Variants in PSMD14 observed in about 807,000 individuals in gnomAD.
PSMD14 encodes the protein ubiquitin C-terminal hydrolase PSMD14.
PSMD14 carries 7 observed loss-of-function variants against 41.2 expected under a neutral mutation model. The observed-to-expected ratio is 0.17, with a 90% CI of 0.10 to 0.32. The LOEUF is 0.32. Among genes scored for constraint, PSMD14 ranks in the 10% least tolerant of loss-of-function variants. The pLI is 1.00. For missense variants in PSMD14, 139 were observed against 375.6 expected (o/e 0.37, Z 5.21); for synonymous variants, 114 against 122.3 (o/e 0.93, Z 0.45).
chr2:161,323,721 C>T (rs1370652155), intron 3 of PSMD14, among the ~76,000 whole-genome samples: 1 of 152,016 alleles, frequency 6.6e-6, no homozygotes, highest in Non-Finnish European at 1.5e-5. Flanking sequence ...AATTTGTCCT[C>T]AGTCCTCCAC....
chr2:161,320,514 A>G (rs970516325), intron 3 of PSMD14, among the ~76,000 whole-genome samples: 1 of 152,152 alleles, frequency 6.6e-6, no homozygotes, highest in Admixed American at 6.5e-5. Context: ...GAATCATTTC[A>G]TCTCAATTAG....
At chr2:161,409,563 CA>C (rs1252492031) in intron 11 of PSMD14, 2 of 152,280 alleles carry the variant, frequency 1.3e-5, no homozygotes, top group East Asian at 3.9e-4. Flanking sequence ...TGCTTTCAGC[CA>C]TCCTACCATA....
At chr2:161,397,816 T>C (rs1683822686) in intron 10 of PSMD14, among the ~76,000 whole-genome samples, 1 of 152,164 alleles carries the variant, frequency 6.6e-6, no homozygotes, top group Admixed American at 6.5e-5. Flanking sequence ...TCCCCATTAG[T>C]GCTAGATTGT....
intron 10 of PSMD14, 82 bp from the exon 11 acceptor site, chr2:161,408,755 C>A: frequency 2.0e-6 from 2 of 995,676 alleles, no homozygotes; most frequent in African/African-American, 1.6e-5. Flanking sequence ...AAATTCTGGT[C>A]ATCATTATTT....
At chr2:161,391,746 C>A (rs1312284928) in intron 9 of PSMD14, among the ~76,000 whole-genome samples, 1 of 152,046 alleles carries the variant, frequency 6.6e-6, no homozygotes, top group East Asian at 1.9e-4. Flanking sequence ...CATGCACCAC[C>A]ACACCTGGCT....
chr2:161,338,315 GTTATA>G (rs1193206670), intron 3 of PSMD14, among the ~76,000 whole-genome samples: 3 of 150,058 alleles, frequency 2.0e-5, no homozygotes, highest in Non-Finnish European at 4.4e-5. Flanking sequence ...CTATAACGCA[GTTATA>G]TTGTAGGTAG....
At chr2:161,399,041 A>G (rs545618163) in intron 10 of PSMD14, among the ~76,000 whole-genome samples, 47 of 152,260 alleles carry the variant, frequency 3.1e-4, no homozygotes, top group Non-Finnish European at 6.3e-4. Context: ...GTTGAAAAAT[A>G]TAATAGGCAA....
chr2:161,361,702 A>G lies in PSMD14; in HGVS notation c.49-5776A>G, dbSNP rs367815100. On this transcript the variant is annotated intron_variant, in intron 3 of 11. Transcript: ENST00000409682. Reference sequence around the variant, plus strand: ...TACAAAGATGATTTAATAGTGGGAAATATTAATGTAATACACCACTGAAGA... The same window carrying G: ...TACAAAGATGATTTAATAGTGGGAAGTATTAATGTAATACACCACTGAAGA... 3.3e-5 allele frequency among the ~76,000 whole-genome samples: 5 copies of G among 152,360 alleles called. No homozygotes were observed. In the East Asian group the frequency reaches 5.8e-4, roughly 18 times the overall value.
At position 161,340,292 on chromosome 2, in the gene PSMD14, C is replaced by T. The variant is rs1574121658; in HGVS notation, c.48+21419C>T. ...TCTCACCCCCGACAACCAAGCCAGCCAGAGAGAGAAGTGGGGTTCCCAGGG... is the reference window on the plus strand; with the variant it reads ...TCTCACCCCCGACAACCAAGCCAGCTAGAGAGAGAAGTGGGGTTCCCAGGG... On this transcript the variant is annotated intron_variant, in intron 3 of 11. Coordinates refer to ENST00000409682, the MANE Select transcript of PSMD14 (RefSeq NM_005805.6). 2.0e-5 allele frequency among the ~76,000 whole-genome samples: 3 copies of T among 152,138 alleles called. No homozygotes were observed. The East Asian group carries it at 5.8e-4, about 29-fold the overall frequency.
At chr2:161,397,068 G>T (rs1488947324) in intron 10 of PSMD14, among the ~76,000 whole-genome samples, 1 of 152,118 alleles carries the variant, frequency 6.6e-6, no homozygotes, top group Non-Finnish European at 1.5e-5. Context: ...GACCTCAGGT[G>T]ATCCACCTGC....
intron 3 of PSMD14, among the ~76,000 whole-genome samples, chr2:161,336,338 T>C (rs1480215540): frequency 6.6e-6 from 1 of 152,232 alleles, no homozygotes; most frequent in Non-Finnish European, 1.5e-5. Context: ...CTGCTTGTAT[T>C]TGAATATTTT....
intron 5 of PSMD14, among the ~76,000 whole-genome samples, chr2:161,369,453 C>T (rs937794579): frequency 2.0e-5 from 3 of 151,942 alleles, no homozygotes; most frequent in Non-Finnish European, 2.9e-5. Context: ...TACCCCTGTT[C>T]TTGAGGATGT....
intron 7 of PSMD14, among the ~76,000 whole-genome samples, chr2:161,372,573 CCATT>C (rs1197642108): frequency 6.6e-6 from 1 of 151,858 alleles, no homozygotes; most frequent in African/African-American, 2.4e-5. Flanking sequence ...ATATACTAGA[CCATT>C]CAGAATGGAT....
intron 8 of PSMD14, among the ~76,000 whole-genome samples, chr2:161,387,323 A>AT (rs1373878482): frequency 1.3e-5 from 2 of 152,008 alleles, no homozygotes; most frequent in South Asian, 2.1e-4. Flanking sequence ...CTGTAATGGA[A>AT]TTTTATTTTA....
chr2:161,309,544 A>G (rs1179843169), intron 1 of PSMD14, among the ~76,000 whole-genome samples: 3 of 152,214 alleles, frequency 2.0e-5, no homozygotes, highest in Admixed American at 1.3e-4. Flanking sequence ...AATAACAAAA[A>G]CATGAACACA....
chr2:161,321,595 T>C (rs2105231952), intron 3 of PSMD14, among the ~76,000 whole-genome samples: 1 of 152,326 alleles, frequency 6.6e-6, no homozygotes, highest in Non-Finnish European at 1.5e-5. Context: ...CTATACTTCA[T>C]GTGTCCCCAA....
At chr2:161,346,610 T>C (rs1683047134) in intron 3 of PSMD14, among the ~76,000 whole-genome samples, 1 of 150,302 alleles carries the variant, frequency 6.7e-6, no homozygotes, top group Non-Finnish European at 1.5e-5. Context: ...ATATTCTTGA[T>C]ATTTGTTATG....
intron 3 of PSMD14, among the ~76,000 whole-genome samples, chr2:161,360,811 C>T (rs1574129793): frequency 6.6e-6 from 1 of 152,000 alleles, no homozygotes; most frequent in African/African-American, 2.4e-5. Context: ...GCTAGGATTA[C>T]AGGCGTGAGC....
In PSMD14 at chr2:161,399,002, G is replaced by T. The variant is rs935273892; in HGVS notation, c.771+3799G>T. ...ACTGTTTTAATCAAGAATTATGTAG[G>T]TGGTAAACAGTTATATAAACTGAAA... is the stretch of plus-strand genomic sequence containing the variant. On this transcript the variant is annotated intron_variant, in intron 10 of 11. Transcript: ENST00000409682. 1.3e-4 allele frequency among the ~76,000 whole-genome samples: 20 copies of T among 152,012 alleles called. No individual in the cohort carries two copies. The East Asian group carries it at 1.3e-3, about 10-fold the overall frequency.
Sources: gnomAD v4.1 joint callset for allele counts (sites outside exome capture counted in the v4.1 genomes callset) on GRCh38, gnomAD v4.1.1 for gene constraint, MANE v1.5 for transcripts, NCBI Gene and HGNC (gene_info 2026-07-23, HGNC 2026-07-21) for gene names.